Variants in BCL2 observed in about 807,000 individuals in gnomAD.
BCL2 encodes the protein apoptosis regulator Bcl-2.
A neutral mutation model predicts 14.2 loss-of-function variants in BCL2; 1 was observed. The observed-to-expected ratio is 0.07, with a 90% confidence interval of 0.02 to 0.33. The LOEUF (loss-of-function observed/expected upper bound fraction) is 0.33, where lower values mean the gene tolerates loss of function less well. Among genes scored for constraint, BCL2 ranks in the 10% least tolerant of loss-of-function variants. BCL2 has a pLI of 0.99. For synonymous variants in BCL2, 151 were observed against 137.2 expected, an observed-to-expected ratio of 1.10 and a Z score of -0.70; for missense variants, 247 against 305.9, an observed-to-expected ratio of 0.81 and a Z score of 1.44.
At chr18:63,158,547 C>G (rs996507118) in intron 2 of BCL2, among the ~76,000 whole-genome samples, 18 of 152,112 alleles carry the variant, frequency 1.2e-4, no homozygotes, top group Admixed American at 5.2e-4. Context: ...AGAGGCCCCC[C>G]ACGAAGCTGT....
intron 2 of BCL2, among the ~76,000 whole-genome samples, chr18:63,305,837 G>A (rs990289185): frequency 6.6e-6 from 1 of 152,120 alleles, no homozygotes; most frequent in Non-Finnish European, 1.5e-5. Flanking sequence ...TTTGGGAGGC[G>A]GAGGCAGGAG....
At chr18:63,188,449 CATT>C (rs1278266876) in intron 2 of BCL2, among the ~76,000 whole-genome samples, 1 of 152,172 alleles carries the variant, frequency 6.6e-6, no homozygotes, top group African/African-American at 2.4e-5. Flanking sequence ...GTGCCATCAT[CATT>C]ATCTTCAACA....
At chr18:63,132,543 C>T (rs1433189008) in intron 2 of BCL2, among the ~76,000 whole-genome samples, 3 of 152,190 alleles carry the variant, frequency 2.0e-5, no homozygotes, top group African/African-American at 4.8e-5. Flanking sequence ...ACAATGCCTA[C>T]CTATCTGTCC....
rs1913620296 is a variant in BCL2, at chr18:63,319,314, C to CG, written c.-428dup. 4.4e-6 allele frequency: 1 copy of CG among 227,796 alleles called. No individual in the cohort carries two copies. The highest frequency in any genetic ancestry group is 8.7e-6 in the Non-Finnish European group (1 of 114,800). The allele number at this position is 227,796 out of a possible 1,614,324, so 14.1% of individuals were successfully genotyped here. On this transcript the variant is annotated 5_prime_UTR_variant, in exon 1 of 3. Transcript: ENST00000333681. ...TGAAACTTCCCAATGAATCAGGAGT[C>CG]GCGGGGAGAGGGAGTAAAAATTAGG...
chr18:63,268,988 G>T (rs1476979932), intron 2 of BCL2, among the ~76,000 whole-genome samples: 1 of 150,334 alleles, frequency 6.7e-6, no homozygotes, highest in Non-Finnish European at 1.5e-5. Context: ...TTTCTCTGTT[G>T]CCCAGGCTGG....
chr18:63,245,525 A>G (rs1004417513), intron 2 of BCL2, among the ~76,000 whole-genome samples: 4 of 152,186 alleles, frequency 2.6e-5, no homozygotes, highest in African/African-American at 9.7e-5. Flanking sequence ...GAGACAAGGG[A>G]GTTTCTTGGT....
chr18:63,174,331 T>C (rs969271300), intron 2 of BCL2, among the ~76,000 whole-genome samples: 2 of 152,122 alleles, frequency 1.3e-5, no homozygotes, highest in Non-Finnish European at 2.9e-5. Flanking sequence ...GAATTTCTAG[T>C]ACGCATGGAC....
intron 2 of BCL2, among the ~76,000 whole-genome samples, chr18:63,254,063 C>T (rs1445115627): frequency 1.3e-5 from 2 of 152,088 alleles, no homozygotes; most frequent in African/African-American, 2.4e-5. Flanking sequence ...TTGGTCTCTA[C>T]TTTCAGAAGT....
At chr18:63,165,047 T>A (rs995183281) in intron 2 of BCL2, among the ~76,000 whole-genome samples, 1 of 152,166 alleles carries the variant, frequency 6.6e-6, no homozygotes, top group South Asian at 2.1e-4. Flanking sequence ...ATTGTGCACA[T>A]GTACCCTAAA....
At position 63,154,142 on chromosome 18, in the gene BCL2, C is replaced by T. The variant is rs1033196282; in HGVS notation, c.586-25383G>A. 3.9e-5 allele frequency among the ~76,000 whole-genome samples: 6 copies of T among 152,162 alleles called. 1 individual carries two copies. The highest frequency in any genetic ancestry group is 3.3e-4 in the Admixed American group (5 of 15,276). ...TCTAATCAGCCCCCTTGACAGCCCT[C>T]AGCCTATATCCTAGCAGAAAAACCG... is the stretch of plus-strand genomic sequence containing the variant. On this transcript the variant is annotated intron_variant, in intron 2 of 2. Transcript: ENST00000333681.
intron 2 of BCL2, among the ~76,000 whole-genome samples, chr18:63,194,026 C>T (rs1000677566): frequency 6.6e-6 from 1 of 152,148 alleles, no homozygotes; most frequent in African/African-American, 2.4e-5. Flanking sequence ...TATGAGTTCC[C>T]TTTTCCTTTA....
At chr18:63,277,462 T>TA (rs11286497) in intron 2 of BCL2, among the ~76,000 whole-genome samples, 88 of 151,188 alleles carry the variant, frequency 5.8e-4, no homozygotes, top group African/African-American at 2.0e-3. Context: ...TGTCTCTATA[T>TA]AAAAAAAAAA....
intron 2 of BCL2, among the ~76,000 whole-genome samples, chr18:63,157,953 T>C (rs1167461116): frequency 6.6e-6 from 1 of 152,140 alleles, no homozygotes. Flanking sequence ...TTTTCTTCTT[T>C]TTTTTTTCTG....
chr18:63,147,448 G>A (rs962711930), intron 2 of BCL2, among the ~76,000 whole-genome samples: 3 of 152,170 alleles, frequency 2.0e-5, no homozygotes, highest in South Asian at 2.1e-4. Context: ...ATTTATTACC[G>A]GTGCAAATAG....
At chr18:63,266,069 T>G (rs1037880740) in intron 2 of BCL2, among the ~76,000 whole-genome samples, 26 of 152,252 alleles carry the variant, frequency 1.7e-4, no homozygotes, top group African/African-American at 5.3e-4. Flanking sequence ...TTCCAGGATT[T>G]TATCCTGCAG....
chr18:63,256,770 C>T (rs1018411593), intron 2 of BCL2, among the ~76,000 whole-genome samples: 1 of 152,142 alleles, frequency 6.6e-6, no homozygotes, highest in Non-Finnish European at 1.5e-5. Flanking sequence ...AAGCCTGCCC[C>T]CTTCTCCTGC....
chr18:63,277,076 G>A (rs573497674), intron 2 of BCL2, among the ~76,000 whole-genome samples: 30 of 152,082 alleles, frequency 2.0e-4, no homozygotes, highest in Non-Finnish European at 1.5e-5. Flanking sequence ...CTCCCCTGTT[G>A]GCATGCCCAG....
chr18:63,318,260 TC>T lies in BCL2; in HGVS notation c.406del (p.Glu136SerfsTer7). ...ARGRFATVVE[E>X]LFRDGVNWGR... is the part of the protein sequence containing the mutation. ...CCAGTTCACCCCGTCCCTGAAGAGC[TC>T]CTCCACCACCGTGGCAAAGCGTCCC... On this transcript the variant is annotated frameshift_variant, in exon 2 of 3. Coordinates refer to ENST00000333681, the MANE Select transcript of BCL2 (RefSeq NM_000633.3). LOFTEE classifies it high-confidence loss of function. This position sits in a 1 kb window ranked among gnomAD's most constrained non-coding sequence, Gnocchi z 7.4. 1 of 1,614,014 alleles carries T rather than the reference TC, an allele frequency of 6.2e-7. No homozygotes were observed. The highest frequency in any genetic ancestry group is 8.5e-7 in the Non-Finnish European group (1 of 1,179,976).
chr18:63,247,478 G>A (rs1309113543), intron 2 of BCL2, among the ~76,000 whole-genome samples: 1 of 152,080 alleles, frequency 6.6e-6, no homozygotes, highest in African/African-American at 2.4e-5. Flanking sequence ...CATTACAAGT[G>A]TGAGCCACCG....
Sources: gnomAD v4.1 joint callset for allele counts (sites outside exome capture counted in the v4.1 genomes callset) on GRCh38, gnomAD v4.1.1 for gene constraint, Gnocchi (gnomAD v3.1) non-coding constraint, MANE v1.5 for transcripts, NCBI Gene and HGNC (gene_info 2026-07-23, HGNC 2026-07-21) for gene names.